ROBO2: variants seen among roughly 807,000 people sequenced by gnomAD.
ROBO2 encodes the protein roundabout guidance receptor 2.
ROBO2 carries 53 observed loss-of-function variants against 160.8 expected under a neutral mutation model. That is an observed-to-expected ratio of 0.33 (90% confidence interval 0.26 to 0.41). ROBO2 has a LOEUF of 0.41. ROBO2 is among the 10% of genes least tolerant of loss of function. The pLI, the probability that ROBO2 is intolerant of heterozygous loss-of-function variation, is 1.00. For synonymous variants in ROBO2, 664 were observed against 611.7 expected (o/e 1.09, Z -1.26); for missense variants, 1,577 against 1,722.4 (o/e 0.92, Z 1.49).
At chr3:77,549,394 T>A (rs1173802978) in intron 7 of ROBO2, among the ~76,000 whole-genome samples, 1 of 152,030 alleles carries the variant, frequency 6.6e-6, no homozygotes, top group Non-Finnish European at 1.5e-5. Context: ...TTTATTTTGA[T>A]AATACATTTG....
intron 2 of ROBO2, among the ~76,000 whole-genome samples, chr3:76,636,014 T>C (rs1178899490): frequency 6.6e-6 from 1 of 152,208 alleles, no homozygotes; most frequent in African/African-American, 2.4e-5. Flanking sequence ...TTTGTGTTGA[T>C]TCAGGTTACA....
At chr3:76,036,235 C>G (rs1307865108) in intron 2 of ROBO2, among the ~76,000 whole-genome samples, 1 of 151,544 alleles carries the variant, frequency 6.6e-6, no homozygotes, top group South Asian at 2.1e-4. Flanking sequence ...CTGCAACCGC[C>G]GCCTCCCGGG....
chr3:76,741,383 AT>A (rs2093799365), intron 2 of ROBO2, among the ~76,000 whole-genome samples: 1 of 152,116 alleles, frequency 6.6e-6, no homozygotes, highest in South Asian at 2.1e-4. Flanking sequence ...GATTTTAAAT[AT>A]TTATGTGCCT....
At chr3:76,853,708 T>C (rs1406588813) in intron 2 of ROBO2, among the ~76,000 whole-genome samples, 1 of 152,136 alleles carries the variant, frequency 6.6e-6, no homozygotes, top group Non-Finnish European at 1.5e-5. Context: ...GAGCAGTCTC[T>C]AACTGTGTCT....
intron 2 of ROBO2, among the ~76,000 whole-genome samples, chr3:76,491,563 G>A (rs948311301): frequency 3.3e-5 from 5 of 152,080 alleles, no homozygotes; most frequent in African/African-American, 1.2e-4. Flanking sequence ...GCAACTCCTG[G>A]TGTATATGAC....
intron 2 of ROBO2, among the ~76,000 whole-genome samples, chr3:76,136,259 A>C (rs2071426020): frequency 6.6e-6 from 1 of 152,152 alleles, no homozygotes; most frequent in Non-Finnish European, 1.5e-5. Flanking sequence ...ACAGTGCTGT[A>C]AGAAAAAATT....
At chr3:76,651,689 T>C (rs952617219) in intron 2 of ROBO2, among the ~76,000 whole-genome samples, 1 of 152,090 alleles carries the variant, frequency 6.6e-6, no homozygotes, top group Non-Finnish European at 1.5e-5. Flanking sequence ...GAAAACTAGT[T>C]ACACTTTAAA....
chr3:77,063,746 A>G (rs769202178), intron 1 of ROBO2, among the ~76,000 whole-genome samples: 5 of 152,320 alleles, frequency 3.3e-5, no homozygotes, highest in African/African-American at 1.2e-4. Flanking sequence ...GAGATGGCCC[A>G]TTTAATTCAG....
At chr3:76,693,038 G>A (rs2092839392) in intron 2 of ROBO2, among the ~76,000 whole-genome samples, 1 of 135,590 alleles carries the variant, frequency 7.4e-6, no homozygotes, top group Middle Eastern at 4.8e-3. Context: ...ACATACATAA[G>A]TCTCTCTCCC....
chr3:77,560,522 C>T (rs899900495), intron 9 of ROBO2, among the ~76,000 whole-genome samples: 3 of 152,030 alleles, frequency 2.0e-5, no homozygotes, highest in African/African-American at 7.2e-5. Context: ...CAGAAGTGGG[C>T]TTTCCAATAG....
At chr3:77,230,128 C>A (rs1023312591) in intron 2 of ROBO2, among the ~76,000 whole-genome samples, 2 of 151,702 alleles carry the variant, frequency 1.3e-5, no homozygotes, top group African/African-American at 4.9e-5. Flanking sequence ...CTCTCTGTCA[C>A]CCAGGCTGGA....
intron 2 of ROBO2, among the ~76,000 whole-genome samples, chr3:76,558,734 A>G (rs958326747): frequency 2.6e-5 from 4 of 152,272 alleles, no homozygotes; most frequent in Admixed American, 1.3e-4. Context: ...GATGACTGTA[A>G]GGCATATTAA....
intron 2 of ROBO2, among the ~76,000 whole-genome samples, chr3:76,343,584 A>C (rs902842515): frequency 6.6e-6 from 1 of 151,418 alleles, no homozygotes; most frequent in Non-Finnish European, 1.5e-5. Context: ...AATGGTAAAA[A>C]CCGCAATTAC....
At chr3:77,202,157 G>A (rs747005855) in intron 2 of ROBO2, among the ~76,000 whole-genome samples, 3 of 152,156 alleles carry the variant, frequency 2.0e-5, no homozygotes, top group Non-Finnish European at 2.9e-5. Flanking sequence ...TCAACGATCA[G>A]AGGGAAGCCA....
intron 2 of ROBO2, among the ~76,000 whole-genome samples, chr3:76,427,801 G>T (rs1321274487): frequency 6.6e-6 from 1 of 152,038 alleles, no homozygotes; most frequent in Non-Finnish European, 1.5e-5. Flanking sequence ...AAATGAGAAG[G>T]CTTCTTTTTC....
chr3:77,438,585 T>A (rs149422995), intron 2 of ROBO2, among the ~76,000 whole-genome samples: 101 of 151,948 alleles, frequency 6.6e-4, no homozygotes, highest in Middle Eastern at 3.4e-3. Flanking sequence ...TGTGTATATA[T>A]ATTGTGTATA....
At chr3:77,127,026 T>C (rs1038064108) in intron 2 of ROBO2, among the ~76,000 whole-genome samples, 1 of 151,646 alleles carries the variant, frequency 6.6e-6, no homozygotes, top group Non-Finnish European at 1.5e-5. Flanking sequence ...CCTGACCTCA[T>C]GATCCGCCCG....
chr3:76,203,592 T>TC (rs11370344), intron 2 of ROBO2, among the ~76,000 whole-genome samples: 1,557 of 23,664 alleles, frequency 0.066, 55 homozygotes, highest in Admixed American at 0.17. Flanking sequence ...GCTCTCGGCT[T>TC]CCCCGTCAAG....
intron 2 of ROBO2, among the ~76,000 whole-genome samples, chr3:76,614,330 C>A (rs1244773104): frequency 2.0e-5 from 3 of 152,066 alleles, no homozygotes; most frequent in Non-Finnish European, 4.4e-5. Context: ...AAATCGAGCA[C>A]TGGAAAGTCC....
Sources: gnomAD v4.1 joint callset for allele counts (sites outside exome capture counted in the v4.1 genomes callset) on GRCh38, gnomAD v4.1.1 for gene constraint, MANE v1.5 for transcripts, NCBI Gene and HGNC (gene_info 2026-07-23, HGNC 2026-07-21) for gene names.